Variants in MAN2A2 observed in about 807,000 individuals in gnomAD.
The protein encoded by MAN2A2 is alpha-mannosidase 2x.
A neutral mutation model predicts 126.8 loss-of-function variants in MAN2A2; 79 were observed. That is an observed-to-expected ratio of 0.62 (90% confidence interval 0.52 to 0.75). The LOEUF (loss-of-function observed/expected upper bound fraction) is 0.75, where lower values mean the gene tolerates loss of function less well. MAN2A2 is among the 30% of genes least tolerant of loss of function. The pLI, the probability that MAN2A2 is intolerant of heterozygous loss-of-function variation, is 0.00. For synonymous variants in MAN2A2, 671 were observed against 618.7 expected (o/e 1.08, Z -1.25); for missense variants, 1,392 against 1,522.4 (o/e 0.91, Z 1.43).
Position 90,905,831 on chromosome 15 carries a change from C to A in MAN2A2, c.536-14C>A. On this transcript the variant is annotated splice_polypyrimidine_tract_variant and intron_variant, in intron 4 of 22. Transcript: ENST00000559717. ...ATGGTGGCATCCTCAGGGGACCCTA[C>A]ATTGGCTCCCTAGGCTGGATCAAGA... is the stretch of plus-strand genomic sequence containing the variant. 1 of 1,573,912 alleles carries A rather than the reference C, an allele frequency of 6.4e-7. No homozygotes were observed. Among genetic ancestry groups the A allele is most frequent in the South Asian group, 1.1e-5 (1 of 87,210 alleles).
chr15:90,913,023 G>A (rs2034885887), intron 17 of MAN2A2, 32 bp downstream of exon 17: 13 of 1,561,216 alleles, frequency 8.3e-6, no homozygotes, highest in Non-Finnish European at 1.1e-5. Flanking sequence ...GGGTCTGGAA[G>A]GAGGTGTGGG....
At chr15:90,918,780 A>T in intron 22 of MAN2A2, 25 bp downstream of exon 22, 1 of 1,469,906 alleles carries the variant, frequency 6.8e-7, no homozygotes, top group East Asian at 2.3e-5. Context: ...GAAACAGAGC[A>T]CCTAGGAATG....
Position 90,912,582 on chromosome 15 carries a change from A to C in MAN2A2, c.2387A>C (p.Asp796Ala), listed in dbSNP as rs149985391. 4.3e-6 allele frequency: 7 copies of C among 1,614,034 alleles called. No individual in the cohort carries two copies. The African/African-American group carries it at 9.3e-5, about 22-fold the overall frequency. ...RVDEEHEQQVDMQVLVYGTRT... is the reference protein window; with the variant it reads ...RVDEEHEQQVAMQVLVYGTRT... ...GATGAGGAGCACGAGCAGCAGGTGG[A>C]CATGCAGGTCCTTGTCTATGGCACC... Residue 796 changes from aspartate (D) to alanine (A), a missense_variant, in exon 16 of 23, where the codon GAC (aspartate) becomes GCC (alanine). Coordinates refer to ENST00000559717, the MANE Select transcript of MAN2A2 (RefSeq NM_006122.4).
At chr15:90,909,632 C>G in intron 9 of MAN2A2, 128 bp downstream of exon 9, 1 of 894,924 alleles carries the variant, frequency 1.1e-6, no homozygotes, top group East Asian at 2.9e-5. Flanking sequence ...GAGATGGAGT[C>G]TCACTCTGTT....
intron 14 of MAN2A2, 136 bp downstream of exon 14, chr15:90,911,686 G>A (rs1307204431): frequency 2.0e-6 from 2 of 1,003,344 alleles, no homozygotes; most frequent in Non-Finnish European, 2.8e-6. Context: ...CCTGGGGAGG[G>A]GGTTGTCCAG....
intron 14 of MAN2A2, 97 bp downstream of exon 14, chr15:90,911,647 C>T (rs1469542018): frequency 7.5e-7 from 1 of 1,341,720 alleles, no homozygotes; most frequent in East Asian, 2.5e-5. Context: ...GCTTGTGGCC[C>T]TGCTACTCTC....
chr15:90,917,399 G>C (rs1266485), intron 20 of MAN2A2, among the ~76,000 whole-genome samples: 1 of 152,114 alleles, frequency 6.6e-6, no homozygotes, highest in Non-Finnish European at 1.5e-5. Context: ...GAGGGACACC[G>C]TCAGAACTCT....
intron 8 of MAN2A2, 35 bp from the exon 9 acceptor site, chr15:90,909,291 CT>C: frequency 6.3e-7 from 1 of 1,584,946 alleles, no homozygotes; most frequent in Non-Finnish European, 8.6e-7. Flanking sequence ...ACTGATGAGA[CT>C]TCGTGGTGGG....
At chr15:90,910,030 TG>T in intron 9 of MAN2A2, 59 bp from the exon 10 acceptor site, 1 of 1,494,502 alleles carries the variant, frequency 6.7e-7, no homozygotes, top group Non-Finnish European at 9.1e-7. Context: ...TGCAGCACTG[TG>T]GCCACAATTT....
rs1217224819 is a variant in MAN2A2, at chr15:90,906,438, A to G, written c.776A>G (p.His259Arg). The G allele has an allele frequency of 1.9e-6, 3 of 1,614,028 alleles. No individual in the cohort carries two copies. Among genetic ancestry groups the G allele is most frequent in the East Asian group, 2.2e-5 (1 of 44,882 alleles). Reference sequence around the variant, plus strand: ...GTGATGCCAGATGAGGCCAATTCCCACTACTTTGCATTGATTGACCAGCTC... The same window carrying G: ...GTGATGCCAGATGAGGCCAATTCCCGCTACTTTGCATTGATTGACCAGCTC... ...GWVMPDEANS[H>R]YFALIDQLIE... Residue 259 changes from histidine (H) to arginine (R), a missense_variant, in exon 6 of 23, where the codon CAC becomes CGC. Transcript: ENST00000559717.
Position 90,906,838 on chromosome 15 carries a change from CAG to C in MAN2A2, c.939_940del (p.Arg313SerfsTer42), listed in dbSNP as rs757248095. On this transcript the variant is annotated frameshift_variant, in exon 7 of 23. Coordinates refer to ENST00000559717, the MANE Select transcript of MAN2A2 (RefSeq NM_006122.4). LOFTEE classifies it high-confidence loss of function. ...TGCCAACCTCACCAGCATGCTGATT[CAG>C]AGAGTGCACTATGCCATCAAGAAGC... is the stretch of plus-strand genomic sequence containing the variant. ...RRANLTSMLIQRVHYAIKKHF... is the reference protein window; with the variant it reads ...RRANLTSMLIXRVHYAIKKHF... The C allele has an allele frequency of 2.5e-6, 4 of 1,613,990 alleles. No individual in the cohort carries two copies. Among genetic ancestry groups the C allele is most frequent in the African/African-American group, 1.3e-5 (1 of 74,910 alleles).
intron 5 of MAN2A2, 115 bp downstream of exon 5, chr15:90,906,131 G>C: frequency 6.9e-7 from 1 of 1,456,978 alleles, no homozygotes; most frequent in Non-Finnish European, 9.4e-7. Context: ...AGAGAGCTGT[G>C]GAAGAGATGA....
chr15:90,910,230 A>G lies in MAN2A2; in HGVS notation c.1515A>G (p.Thr505=). The part of the protein sequence containing the change: ...SYADREDHYW[T]GYYTSRPFYK... Reference sequence around the variant, plus strand: ...CGGACCGGGAGGATCATTACTGGACAGGCTATTACACTTCCCGGCCCTTCT... The same window carrying G: ...CGGACCGGGAGGATCATTACTGGACGGGCTATTACACTTCCCGGCCCTTCT... Residue 505 remains threonine (T), a synonymous_variant, in exon 10 of 23, where the codon ACA becomes ACG. Coordinates refer to ENST00000559717, the MANE Select transcript of MAN2A2 (RefSeq NM_006122.4). 3 of 1,614,172 alleles carry G rather than the reference A, an allele frequency of 1.9e-6. No individual in the cohort carries two copies. In the East Asian group the frequency reaches 6.7e-5, roughly 36 times the overall value.
chr15:90,916,387 G>T, intron 20 of MAN2A2, 131 bp downstream of exon 20: 1 of 1,306,550 alleles, frequency 7.7e-7, no homozygotes, highest in Non-Finnish European at 1.1e-6. Context: ...TGAATTCCTG[G>T]GGTGGGGGGA....
chr15:90,916,639 C>T (rs2035207868), intron 20 of MAN2A2: 1 of 1,299,980 alleles, frequency 7.7e-7, no homozygotes, highest in African/African-American at 1.5e-5. Flanking sequence ...TCTTTCACAG[C>T]AGCAGGAGCG....
chr15:90,919,701 C>T lies in MAN2A2; in HGVS notation c.3367C>T (p.Leu1123=). The T allele has an allele frequency of 6.2e-7, 1 of 1,614,260 alleles. No homozygotes were observed. Among genetic ancestry groups the T allele is most frequent in the Non-Finnish European group, 8.5e-7 (1 of 1,180,042 alleles). The part of the protein sequence containing the change: ...VFLQPTSLTL[L]YPLASPSNST... ...CCTTCAGCCAACCTCCTTGACGTTACTGTACCCTCTGGCCTCCCCGTCCAA... is the reference window on the plus strand; with the variant it reads ...CCTTCAGCCAACCTCCTTGACGTTATTGTACCCTCTGGCCTCCCCGTCCAA... Residue 1123 remains leucine, a synonymous_variant, in exon 23 of 23, where the codon CTG becomes TTG. Coordinates refer to ENST00000559717, the MANE Select transcript of MAN2A2 (RefSeq NM_006122.4).
chr15:90,912,943 G>A lies in MAN2A2; in HGVS notation c.2536G>A (p.Ala846Thr), dbSNP rs1266491. The part of the protein sequence containing the change: ...TEGPFFSEVV[A>T]YYEHIHQAVR... The stretch of plus-strand genomic sequence containing the variant: ...AGGCCCTTTCTTCTCAGAGGTGGTT[G>A]CGTACTATGAGCACATTCACCAGGC... Residue 846 changes from alanine to threonine, a missense_variant, in exon 17 of 23, where the codon GCG becomes ACG. Coordinates refer to ENST00000559717, the MANE Select transcript of MAN2A2 (RefSeq NM_006122.4). 5.0e-6 allele frequency: 8 copies of A among 1,614,120 alleles called. No individual in the cohort carries two copies. In the African/African-American group the frequency reaches 9.3e-5, roughly 19 times the overall value.
chr15:90,913,093 A>G (rs2034892725), intron 17 of MAN2A2, 102 bp downstream of exon 17: 2 of 1,152,372 alleles, frequency 1.7e-6, no homozygotes, highest in Non-Finnish European at 2.5e-6. Flanking sequence ...TCTGTTCCGT[A>G]TCATTTGAGA....
rs1489810574 is a variant in MAN2A2 at position 90,918,362 on chromosome 15, C to G, written c.3163C>G (p.Leu1055Val). The G allele has an allele frequency of 6.2e-7, 1 of 1,613,980 alleles. No homozygotes were observed. Among genetic ancestry groups the G allele is most frequent in the African/African-American group, 1.3e-5 (1 of 74,922 alleles). The change falls in exon 21 of 23, where the codon CTC becomes GTC. Residue 1055 changes from leucine (L) to valine (V), a missense_variant. Coordinates refer to ENST00000559717, the MANE Select transcript of MAN2A2 (RefSeq NM_006122.4). ...CTCACTGCCCTGTGACTTCCACCTG[C>G]TCAACCTACGTACGCTCCAGGCTGA... ...ASSLPCDFHL[L>V]NLRTLQAEED... is the part of the protein sequence containing the mutation.
Sources: gnomAD v4.1 joint callset for allele counts (sites outside exome capture counted in the v4.1 genomes callset) on GRCh38, gnomAD v4.1.1 for gene constraint, MANE v1.5 for transcripts, NCBI Gene and HGNC (gene_info 2026-07-23, HGNC 2026-07-21) for gene names.